The following CDH18 variants were observed in gnomAD, a reference collection of about 807,000 sequenced individuals.
CDH18 encodes cadherin-18.
Under a neutral mutation model 67.9 loss-of-function variants are expected in CDH18, and 31 were observed. That is an observed-to-expected ratio of 0.46 (90% confidence interval 0.34 to 0.62). The LOEUF is 0.62. Among genes scored for constraint, CDH18 ranks in the 20% least tolerant of loss-of-function variants. The pLI is 0.01. For missense variants in CDH18, 890 were observed against 975.5 expected (o/e 0.91, Z 1.17); for synonymous variants, 362 against 347.2 (o/e 1.04, Z -0.48).
chr5:19,522,319 A>T (rs1439545737), intron 9 of CDH18, among the ~76,000 whole-genome samples: 1 of 152,174 alleles, frequency 6.6e-6, no homozygotes, highest in East Asian at 1.9e-4. Context: ...AAAATCTAAG[A>T]ATTAAAGGAA....
At chr5:20,566,027 AT>A (rs1758483950) in intron 1 of CDH18, among the ~76,000 whole-genome samples, 1 of 152,130 alleles carries the variant, frequency 6.6e-6, no homozygotes, top group Non-Finnish European at 1.5e-5. Flanking sequence ...AATCTTGCAA[AT>A]ATTTTGAAGT....
At chr5:20,044,673 A>G (rs376414627) in intron 2 of CDH18, among the ~76,000 whole-genome samples, 1 of 152,166 alleles carries the variant, frequency 6.6e-6, no homozygotes, top group Non-Finnish European at 1.5e-5. Context: ...TTTGAATTGT[A>G]TATTTTAGAA....
chr5:19,514,814 G>A (rs1745701274), intron 10 of CDH18, among the ~76,000 whole-genome samples: 1 of 152,140 alleles, frequency 6.6e-6, no homozygotes, highest in African/African-American at 2.4e-5. Context: ...CACTCTGATG[G>A]TAGTTTCTTT....
intron 2 of CDH18, among the ~76,000 whole-genome samples, chr5:20,122,703 A>T (rs1203154434): frequency 6.6e-6 from 1 of 151,472 alleles, no homozygotes; most frequent in African/African-American, 2.4e-5. Flanking sequence ...ATTTCAAATG[A>T]GAATACATAT....
At chr5:20,518,182 C>A (rs1158125231) in intron 1 of CDH18, among the ~76,000 whole-genome samples, 1 of 152,042 alleles carries the variant, frequency 6.6e-6, no homozygotes, top group East Asian at 1.9e-4. Context: ...ATCAATGAGA[C>A]AATATCTGTC....
intron 1 of CDH18, among the ~76,000 whole-genome samples, chr5:20,296,952 CTTAA>C (rs1244795849): frequency 1.3e-5 from 2 of 151,652 alleles, no homozygotes; most frequent in African/African-American, 4.8e-5. Flanking sequence ...TAAATAAGTA[CTTAA>C]TTATTATTAA....
chr5:20,149,528 A>G (rs1486293693), intron 2 of CDH18, among the ~76,000 whole-genome samples: 1 of 152,192 alleles, frequency 6.6e-6, no homozygotes, highest in Admixed American at 6.5e-5. Context: ...AGACACTTCT[A>G]TTTCAAACAA....
chr5:20,052,045 T>G (rs1741470668), intron 2 of CDH18, among the ~76,000 whole-genome samples: 1 of 151,950 alleles, frequency 6.6e-6, no homozygotes, highest in Non-Finnish European at 1.5e-5. Context: ...ATGCACACAG[T>G]AATAATAATT....
intron 2 of CDH18, among the ~76,000 whole-genome samples, chr5:19,917,095 T>C (rs1328021599): frequency 6.6e-6 from 1 of 152,216 alleles, no homozygotes; most frequent in East Asian, 1.9e-4. Context: ...TAACTTCATT[T>C]TACTAGTTTC....
At chr5:19,656,757 T>C (rs1356761827) in intron 5 of CDH18, among the ~76,000 whole-genome samples, 1 of 152,094 alleles carries the variant, frequency 6.6e-6, no homozygotes, top group Non-Finnish European at 1.5e-5. Flanking sequence ...AGAGTAACAA[T>C]TGAAATGTAT....
intron 1 of CDH18, among the ~76,000 whole-genome samples, chr5:20,346,623 G>A (rs2150051052): frequency 6.6e-6 from 1 of 152,144 alleles, no homozygotes. Context: ...GTGGTGCGAG[G>A]GATGTATTCC....
At chr5:19,678,544 TAA>T (rs1759824364) in intron 5 of CDH18, among the ~76,000 whole-genome samples, 1 of 151,600 alleles carries the variant, frequency 6.6e-6, no homozygotes, top group African/African-American at 2.4e-5. Context: ...GATCTCAAAT[TAA>T]CAATCTACTG....
chr5:19,889,225 A>G (rs1234651080), intron 2 of CDH18, among the ~76,000 whole-genome samples: 1 of 152,060 alleles, frequency 6.6e-6, no homozygotes, highest in Non-Finnish European at 1.5e-5. Context: ...CCAACAATGT[A>G]CTACTCATGG....
At chr5:20,546,405 A>T (rs1757346932) in intron 1 of CDH18, among the ~76,000 whole-genome samples, 1 of 151,820 alleles carries the variant, frequency 6.6e-6, no homozygotes, top group Non-Finnish European at 1.5e-5. Flanking sequence ...TACTATAAAA[A>T]AAAACTACTT....
At chr5:19,839,997 G>A (rs185235179) in intron 2 of CDH18, among the ~76,000 whole-genome samples, 12 of 151,948 alleles carry the variant, frequency 7.9e-5, no homozygotes, top group Admixed American at 7.2e-4. Flanking sequence ...GGTGGCTCAC[G>A]CCTGTAATCC....
chr5:20,138,266 C>G (rs1435668571), intron 2 of CDH18, among the ~76,000 whole-genome samples: 1 of 152,034 alleles, frequency 6.6e-6, no homozygotes, highest in Non-Finnish European at 1.5e-5. Flanking sequence ...ATTCAACAGC[C>G]CTTCATGCTA....
intron 2 of CDH18, among the ~76,000 whole-genome samples, chr5:20,177,442 T>C (rs1508581): frequency 0.71 from 108,215 of 152,084 alleles, 39,504 homozygotes; most frequent in African/African-American, 0.89. Context: ...AAAATATGAG[T>C]ATATAACATT....
intron 2 of CDH18, among the ~76,000 whole-genome samples, chr5:20,094,781 T>C (rs766557645): frequency 6.6e-6 from 1 of 152,116 alleles, no homozygotes; most frequent in South Asian, 2.1e-4. Context: ...GAAATACCAT[T>C]TGACCCAGCA....
At chr5:19,478,758 T>C (rs926444637) in intron 12 of CDH18, 1 of 152,128 alleles carries the variant, frequency 6.6e-6, no homozygotes, top group Non-Finnish European at 1.5e-5. Flanking sequence ...TGCCAACTAC[T>C]CTAGTCCCTC....
Sources: gnomAD v4.1 joint callset for allele counts (sites outside exome capture counted in the v4.1 genomes callset) on GRCh38, gnomAD v4.1.1 for gene constraint, MANE v1.5 for transcripts, NCBI Gene and HGNC (gene_info 2026-07-23, HGNC 2026-07-21) for gene names.